CRACD: variants seen among roughly 807,000 people sequenced by gnomAD.
CRACD encodes the protein capping protein-inhibiting regulator of actin dynamics.
Under a neutral mutation model 106.8 loss-of-function variants are expected in CRACD, and 56 were observed. The ratio of observed to expected loss-of-function variants is 0.52; its 90% CI spans 0.42 to 0.66. CRACD has a LOEUF of 0.66. Ranked by LOEUF, CRACD falls within the 30% of genes least tolerant of loss-of-function variation. CRACD has a pLI of 0.00. For missense variants in CRACD, 1,730 were observed against 1,623.2 expected (o/e 1.07, Z -1.13); for synonymous variants, 754 against 670.8 (o/e 1.12, Z -1.92).
chr4:56,051,527 C>G (rs4645275), intron 1 of CRACD, among the ~76,000 whole-genome samples: 1 of 151,992 alleles, frequency 6.6e-6, no homozygotes, highest in South Asian at 2.1e-4. Flanking sequence ...CAGATATTAT[C>G]ATTCCCGTTT....
At chr4:56,211,178 T>C (rs1189724739) in intron 2 of CRACD, among the ~76,000 whole-genome samples, 1 of 152,232 alleles carries the variant, frequency 6.6e-6, no homozygotes, top group African/African-American at 2.4e-5. Context: ...TCTAAAGCAA[T>C]TACTGCTTCC....
intron 2 of CRACD, among the ~76,000 whole-genome samples, chr4:56,265,628 T>A (rs1741974097): frequency 6.6e-6 from 1 of 152,186 alleles, no homozygotes; most frequent in African/African-American, 2.4e-5. Context: ...TATCCTCTGC[T>A]CTTTTGGAGA....
chr4:56,160,646 T>A (rs1427891971), intron 1 of CRACD, among the ~76,000 whole-genome samples: 1 of 152,244 alleles, frequency 6.6e-6, no homozygotes, highest in Non-Finnish European at 1.5e-5. Flanking sequence ...CCATCAGCTA[T>A]GTTGTCTTTG....
chr4:56,089,426 C>T (rs1733341143), intron 1 of CRACD, among the ~76,000 whole-genome samples: 1 of 151,914 alleles, frequency 6.6e-6, no homozygotes, highest in Non-Finnish European at 1.5e-5. Flanking sequence ...TTGCCGCCTA[C>T]GGCATTGCTT....
intron 1 of CRACD, among the ~76,000 whole-genome samples, chr4:56,091,744 T>C (rs958639551): frequency 6.6e-6 from 1 of 152,218 alleles, no homozygotes; most frequent in African/African-American, 2.4e-5. Flanking sequence ...GGGAAACGAA[T>C]TTCCATATGA....
At chr4:56,233,444 G>T (rs1177822931) in intron 2 of CRACD, among the ~76,000 whole-genome samples, 2 of 151,996 alleles carry the variant, frequency 1.3e-5, no homozygotes, top group Non-Finnish European at 2.9e-5. Flanking sequence ...TTGTTGAAAA[G>T]TCTAACATTT....
At chr4:56,170,352 A>T (rs1242531952) in intron 1 of CRACD, 1 of 152,328 alleles carries the variant, frequency 6.6e-6, no homozygotes, top group Non-Finnish European at 1.5e-5. Context: ...GGCAATGTTA[A>T]GTGGAAGGTC....
intron 5 of CRACD, among the ~76,000 whole-genome samples, chr4:56,308,502 A>C (rs977509123): frequency 1.9e-4 from 27 of 142,246 alleles, no homozygotes; most frequent in Non-Finnish European, 3.9e-4. Flanking sequence ...CAAAAAAAAA[A>C]CCCATTCTCT....
rs1427597939 is a variant in CRACD at position 56,190,822 on chromosome 4, G to C, written c.-189+11392G>C. On this transcript the variant is annotated intron_variant, in intron 2 of 10. Coordinates refer to ENST00000682029, the MANE Select transcript of CRACD (RefSeq NM_001393381.1). ...CCCCAGTGGGGATTCTGTGTGGGGGGAATCCAACCCCACATTTCCCTTCCA... is the reference window on the plus strand; with the variant it reads ...CCCCAGTGGGGATTCTGTGTGGGGGCAATCCAACCCCACATTTCCCTTCCA... Among the ~76,000 whole-genome samples the C allele has an allele frequency of 2.0e-5, 3 of 152,074 alleles. No individual in the cohort carries two copies. In the East Asian group the frequency reaches 5.8e-4, roughly 29 times the overall value.
At chr4:56,135,257 A>G (rs562627535) in intron 1 of CRACD, among the ~76,000 whole-genome samples, 2 of 152,160 alleles carry the variant, frequency 1.3e-5, no homozygotes, top group East Asian at 1.9e-4. Context: ...TGCACTCAGC[A>G]TGGGTGACAG....
At chr4:56,187,413 G>A (rs1737135168) in intron 2 of CRACD, among the ~76,000 whole-genome samples, 1 of 152,102 alleles carries the variant, frequency 6.6e-6, no homozygotes. Context: ...TGTTTCTTAA[G>A]AGAGGCCCTT....
chr4:56,183,725 G>C (rs1048397983), intron 2 of CRACD, among the ~76,000 whole-genome samples: 1 of 152,198 alleles, frequency 6.6e-6, no homozygotes, highest in Non-Finnish European at 1.5e-5. Flanking sequence ...CATGAGGCAA[G>C]GTGCGTGGTT....
chr4:56,183,110 G>A (rs2109440682), intron 2 of CRACD, among the ~76,000 whole-genome samples: 1 of 151,892 alleles, frequency 6.6e-6, no homozygotes, highest in South Asian at 2.1e-4. Flanking sequence ...GCGCATGCCT[G>A]TAATCCCAGC....
At chr4:56,116,120 A>G (rs1734267442) in intron 1 of CRACD, among the ~76,000 whole-genome samples, 3 of 152,214 alleles carry the variant, frequency 2.0e-5, no homozygotes, top group Admixed American at 2.0e-4. Flanking sequence ...CACCAGGCTT[A>G]AGCTGTAAGA....
intron 1 of CRACD, among the ~76,000 whole-genome samples, chr4:56,141,129 T>C (rs1465486961): frequency 1.3e-5 from 2 of 152,186 alleles, no homozygotes; most frequent in Non-Finnish European, 2.9e-5. Context: ...TTCTGGTAAC[T>C]ACCACCAAGT....
intron 6 of CRACD, 27 bp from the exon 7 acceptor site, chr4:56,313,170 G>A (rs767812168): frequency 2.5e-6 from 4 of 1,598,234 alleles, no homozygotes; most frequent in Non-Finnish European, 3.4e-6. Flanking sequence ...GATCCCAACT[G>A]ACTTTCTATT....
At chr4:56,230,720 A>G (rs1372726069) in intron 2 of CRACD, among the ~76,000 whole-genome samples, 3 of 152,216 alleles carry the variant, frequency 2.0e-5, no homozygotes, top group Non-Finnish European at 4.4e-5. Flanking sequence ...TTAGGTTTCC[A>G]TATAAACTTT....
At chr4:56,205,429 A>G (rs1174177462) in intron 2 of CRACD, among the ~76,000 whole-genome samples, 1 of 152,170 alleles carries the variant, frequency 6.6e-6, no homozygotes, top group Non-Finnish European at 1.5e-5. Context: ...CCACTGGGAT[A>G]TACCTTAAAA....
intron 1 of CRACD, among the ~76,000 whole-genome samples, chr4:56,151,015 G>A (rs911036424): frequency 2.0e-5 from 3 of 152,092 alleles, no homozygotes; most frequent in African/African-American, 7.2e-5. Context: ...TATATTTTTA[G>A]AGACGAAGTG....
Sources: gnomAD v4.1 joint callset for allele counts (sites outside exome capture counted in the v4.1 genomes callset) on GRCh38, gnomAD v4.1.1 for gene constraint, MANE v1.5 for transcripts, NCBI Gene and HGNC (gene_info 2026-07-23, HGNC 2026-07-21) for gene names.